Variants in BCL2 observed in about 807,000 individuals in gnomAD.
BCL2 encodes apoptosis regulator Bcl-2.
BCL2 carries 1 observed loss-of-function variant against 14.2 expected under a neutral mutation model. The ratio of observed to expected loss-of-function variants is 0.07; its 90% confidence interval spans 0.02 to 0.33. The LOEUF (loss-of-function observed/expected upper bound fraction) is 0.33, where lower values mean the gene tolerates loss of function less well. Ranked by LOEUF, BCL2 falls within the 10% of genes least tolerant of loss-of-function variation. BCL2 has a pLI of 0.99. For missense variants in BCL2, 247 were observed against 305.9 expected (o/e 0.81, Z 1.44); for synonymous variants, 151 against 137.2 (o/e 1.10, Z -0.70).
Position 63,125,534 on chromosome 18 carries a change from C to T in BCL2, c.*3091G>A, listed in dbSNP as rs1479445100. 1 of 216,128 alleles carries T rather than the reference C, an allele frequency of 4.6e-6. No individual in the cohort carries two copies. The highest frequency in any genetic ancestry group is 1.9e-4 in the South Asian group (1 of 5,378). 13.4% of individuals were successfully genotyped at this position (216,128 alleles called of 1,614,324 possible). ...GTGCATATACTCTATTTAACTCTGACCCTGGCCAGTGTAAAGAGGAGTACA... is the reference window on the plus strand; with the variant it reads ...GTGCATATACTCTATTTAACTCTGATCCTGGCCAGTGTAAAGAGGAGTACA... On this transcript the variant is annotated 3_prime_UTR_variant, in exon 3 of 3. Transcript: ENST00000333681.
At chr18:63,232,069 C>A (rs7231901) in intron 2 of BCL2, among the ~76,000 whole-genome samples, 139,551 of 151,716 alleles carry the variant, frequency 0.92, 64,564 homozygotes, top group Non-Finnish European at 0.98. Flanking sequence ...ATGGGGAAAA[C>A]AAAAACTAAA....
At chr18:63,254,241 C>T (rs1482175275) in intron 2 of BCL2, among the ~76,000 whole-genome samples, 2 of 151,942 alleles carry the variant, frequency 1.3e-5, no homozygotes, top group East Asian at 1.9e-4. Flanking sequence ...CAAAAATGTG[C>T]TTAGACAGAG....
intron 2 of BCL2, among the ~76,000 whole-genome samples, chr18:63,251,617 C>T (rs1227364296): frequency 2.0e-5 from 3 of 150,184 alleles, no homozygotes; most frequent in Admixed American, 2.0e-4. Context: ...TGCACTCCAG[C>T]CTGGGTGACA....
chr18:63,247,751 T>A (rs1911192835), intron 2 of BCL2, among the ~76,000 whole-genome samples: 1 of 152,156 alleles, frequency 6.6e-6, no homozygotes, highest in South Asian at 2.1e-4. Context: ...CAAGCCACCA[T>A]TCCAGTGCCA....
intron 2 of BCL2, among the ~76,000 whole-genome samples, chr18:63,246,344 T>C (rs775687212): frequency 9.2e-5 from 14 of 152,160 alleles, no homozygotes; most frequent in Admixed American, 1.3e-4. Context: ...ATATTTAAAC[T>C]AGCCTTCCCC....
intron 2 of BCL2, among the ~76,000 whole-genome samples, chr18:63,261,903 C>T (rs1009037005): frequency 6.6e-6 from 1 of 151,962 alleles, no homozygotes; most frequent in African/African-American, 2.4e-5. Flanking sequence ...TCTCAGCTTC[C>T]CAAGTAGCTG....
intron 2 of BCL2, among the ~76,000 whole-genome samples, chr18:63,153,762 C>T (rs1202197176): frequency 6.6e-6 from 1 of 152,108 alleles, no homozygotes; most frequent in African/African-American, 2.4e-5. Context: ...ATGAGGTCCC[C>T]ACCTGGAATG....
intron 2 of BCL2, among the ~76,000 whole-genome samples, chr18:63,300,699 A>G (rs1314691465): frequency 6.6e-6 from 1 of 152,162 alleles, no homozygotes; most frequent in African/African-American, 2.4e-5. Context: ...TTGATGACTC[A>G]GTGGCATCAT....
chr18:63,162,533 G>A (rs1021885517), intron 2 of BCL2, among the ~76,000 whole-genome samples: 4 of 152,040 alleles, frequency 2.6e-5, no homozygotes, highest in Non-Finnish European at 4.4e-5. Context: ...GCAGGCACGC[G>A]GGTGACACAG....
chr18:63,234,371 G>A (rs1910765521), intron 2 of BCL2, among the ~76,000 whole-genome samples: 1 of 152,220 alleles, frequency 6.6e-6, no homozygotes, highest in Non-Finnish European at 1.5e-5. Flanking sequence ...TTAGTTTGCT[G>A]AGGATAATGG....
At chr18:63,260,846 G>C (rs1385479055) in intron 2 of BCL2, among the ~76,000 whole-genome samples, 3 of 151,762 alleles carry the variant, frequency 2.0e-5, no homozygotes, top group Admixed American at 6.6e-5. Flanking sequence ...AGCTGGATCA[G>C]GAAAAAAAAT....
chr18:63,143,407 G>A (rs1599205532), intron 2 of BCL2, among the ~76,000 whole-genome samples: 1 of 152,356 alleles, frequency 6.6e-6, no homozygotes, highest in South Asian at 2.1e-4. Context: ...CCTCCTGGGG[G>A]CAGGAGCAAG....
At chr18:63,252,704 G>C (rs1911352138) in intron 2 of BCL2, among the ~76,000 whole-genome samples, 1 of 152,198 alleles carries the variant, frequency 6.6e-6, no homozygotes, top group Non-Finnish European at 1.5e-5. Context: ...CCGTGATTGT[G>C]AGGTCTCCCC....
chr18:63,175,554 T>A (rs139732371), intron 2 of BCL2, among the ~76,000 whole-genome samples: 16 of 152,348 alleles, frequency 1.1e-4, no homozygotes, highest in African/African-American at 3.8e-4. Context: ...AAACCTGTTT[T>A]ACCAATGGAT....
chr18:63,184,392 C>A (rs1319135350), intron 2 of BCL2, among the ~76,000 whole-genome samples: 1 of 152,240 alleles, frequency 6.6e-6, no homozygotes, highest in Non-Finnish European at 1.5e-5. Context: ...GATGAATACA[C>A]TGGCATTCTT....
intron 2 of BCL2, among the ~76,000 whole-genome samples, chr18:63,145,152 A>C (rs961194919): frequency 6.6e-6 from 1 of 152,196 alleles, no homozygotes. Context: ...AACAAATCCA[A>C]CTTGAGGCCT....
chr18:63,311,348 T>C (rs1913312400), intron 2 of BCL2, among the ~76,000 whole-genome samples: 1 of 152,328 alleles, frequency 6.6e-6, no homozygotes, highest in Non-Finnish European at 1.5e-5. Context: ...ACTGATCCTT[T>C]GTTTGGTGCT....
At chr18:63,169,643 C>T (rs1915177390) in intron 2 of BCL2, among the ~76,000 whole-genome samples, 1 of 151,746 alleles carries the variant, frequency 6.6e-6, no homozygotes, top group Non-Finnish European at 1.5e-5. Context: ...CTGCTCTAGT[C>T]ACCCGAGTAG....
intron 2 of BCL2, among the ~76,000 whole-genome samples, chr18:63,186,490 G>A (rs867402451): frequency 1.3e-5 from 2 of 152,132 alleles, no homozygotes; most frequent in Non-Finnish European, 1.5e-5. Flanking sequence ...GACCATTCTT[G>A]TTCTTGAGTA....
Sources: allele counts gnomAD v4.1 joint callset (sites outside exome capture counted in the v4.1 genomes callset), GRCh38; gene constraint gnomAD v4.1.1; transcripts MANE v1.5; gene names NCBI Gene and HGNC (gene_info 2026-07-23, HGNC 2026-07-21).